The following CDC42BPA variants were observed in gnomAD, a reference collection of about 807,000 sequenced individuals.
The protein encoded by CDC42BPA is CDC42 binding protein kinase alpha.
Under a neutral mutation model 223.5 loss-of-function variants are expected in CDC42BPA, and 80 were observed. The observed-to-expected ratio is 0.36, with a 90% CI of 0.30 to 0.43. CDC42BPA has a LOEUF of 0.43. CDC42BPA is among the 20% of genes least tolerant of loss of function. CDC42BPA has a pLI of 1.00. For synonymous variants in CDC42BPA, 694 were observed against 718.6 expected (o/e 0.97, Z 0.55); for missense variants, 1,743 against 2,099.9 (o/e 0.83, Z 3.32).
rs1200089266 is a variant in CDC42BPA at position 227,069,856 on chromosome 1, A to G, written c.2828-3T>C. On this transcript the variant is annotated splice_polypyrimidine_tract_variant and splice_region_variant and intron_variant, in intron 20 of 36. Coordinates refer to ENST00000366766, the MANE Select transcript of CDC42BPA (RefSeq NM_001394014.1). ...CTGTGAGTCTTGGTGCTCTATACCT[A>G]GAAGACAGCAGCAACTTTTTTTAAG... 2.5e-6 allele frequency: 4 copies of G among 1,605,846 alleles called. No homozygotes were observed. Among genetic ancestry groups the G allele is most frequent in the Non-Finnish European group, 3.4e-6 (4 of 1,173,770 alleles).
At chr1:227,287,826 T>C (rs1488644698) in intron 1 of CDC42BPA, among the ~76,000 whole-genome samples, 1 of 152,238 alleles carries the variant, frequency 6.6e-6, no homozygotes, top group Non-Finnish European at 1.5e-5. Context: ...TATCATTTAT[T>C]TGTGTTGGTA....
At chr1:227,034,424 A>G (rs11803959) in intron 26 of CDC42BPA, among the ~76,000 whole-genome samples, 23,483 of 152,118 alleles carry the variant, frequency 0.15, 2,202 homozygotes, top group African/African-American at 0.25. Context: ...TTGGGACACC[A>G]ACTTCTTTTT....
At chr1:227,202,122 A>G (rs531745215) in intron 3 of CDC42BPA, among the ~76,000 whole-genome samples, 43 of 152,220 alleles carry the variant, frequency 2.8e-4, no homozygotes, top group Non-Finnish European at 5.7e-4. Context: ...AGCTGGGACT[A>G]CAGGTGAGTG....
At chr1:227,304,341 G>C (rs1439771520) in intron 1 of CDC42BPA, among the ~76,000 whole-genome samples, 1 of 151,996 alleles carries the variant, frequency 6.6e-6, no homozygotes, top group African/African-American at 2.4e-5. Context: ...AGGAGGTAGA[G>C]GTTGCAGTGA....
At chr1:227,218,117 A>G (rs1440063446) in intron 2 of CDC42BPA, among the ~76,000 whole-genome samples, 1 of 152,208 alleles carries the variant, frequency 6.6e-6, no homozygotes. Flanking sequence ...GGGTGTATAT[A>G]CATGCAAAGT....
intron 1 of CDC42BPA, among the ~76,000 whole-genome samples, chr1:227,278,689 G>T (rs1018440436): frequency 6.6e-6 from 1 of 152,110 alleles, no homozygotes; most frequent in Non-Finnish European, 1.5e-5. Flanking sequence ...TAGGTCATGA[G>T]TTCTTAAAAA....
At chr1:227,129,710 T>TATATATATATATATATATATATAC (rs1656654490) in intron 10 of CDC42BPA, among the ~76,000 whole-genome samples, 2 of 121,816 alleles carry the variant, frequency 1.6e-5, no homozygotes, top group Non-Finnish European at 3.4e-5. Context: ...TGCATATATA[T>TATATATATATATATATATATATAC]ATATACAAAA....
At chr1:227,135,994 T>C (rs1006253402) in intron 10 of CDC42BPA, among the ~76,000 whole-genome samples, 2 of 152,070 alleles carry the variant, frequency 1.3e-5, no homozygotes, top group African/African-American at 2.4e-5. Flanking sequence ...CTTCTCTGTG[T>C]TATTTTTATT....
At chr1:227,074,927 C>T (rs1039980434) in intron 17 of CDC42BPA, among the ~76,000 whole-genome samples, 1 of 152,142 alleles carries the variant, frequency 6.6e-6, no homozygotes, top group Non-Finnish European at 1.5e-5. Context: ...TGTCTTAAGG[C>T]TATCTAGCTA....
At position 227,031,387 on chromosome 1, in the gene CDC42BPA, T is replaced by C. The variant is rs1287478044; in HGVS notation, c.3686A>G (p.Lys1229Arg). The C allele has an allele frequency of 6.2e-7, 1 of 1,614,142 alleles. No individual in the cohort carries two copies. The highest frequency in any genetic ancestry group is 1.3e-5 in the African/African-American group (1 of 75,028). ...AACATAGACTGAGCGGTCTCTGAAT[T>C]TGTTTTTCTTCAAAATCTTGTGCAA... ...SELHKILKKNKFRDRSVYVPK... is the reference protein window; with the variant it reads ...SELHKILKKNRFRDRSVYVPK... Residue 1229 changes from lysine (K) to arginine (R), a missense_variant, in exon 28 of 37, where the codon AAA (lysine) becomes AGA (arginine). Transcript: ENST00000366766.
At chr1:227,084,781 G>T (rs1391888873) in intron 16 of CDC42BPA, among the ~76,000 whole-genome samples, 1 of 152,080 alleles carries the variant, frequency 6.6e-6, no homozygotes, top group African/African-American at 2.4e-5. Flanking sequence ...CAACTTGACT[G>T]GTCCACAAGG....
intron 31 of CDC42BPA, among the ~76,000 whole-genome samples, chr1:227,025,032 A>G (rs1478452828): frequency 6.6e-6 from 1 of 152,120 alleles, no homozygotes; most frequent in East Asian, 1.9e-4. Context: ...CACTTGAGGT[A>G]AGAAGTTCGA....
At chr1:227,179,659 A>AAAAAAAAAAAG (rs1216438998) in intron 5 of CDC42BPA, among the ~76,000 whole-genome samples, 2 of 146,982 alleles carry the variant, frequency 1.4e-5, no homozygotes, top group African/African-American at 5.2e-5. Context: ...AAAAAAAAAA[A>AAAAAAAAAAAG]AGCTATTTTA....
intron 4 of CDC42BPA, among the ~76,000 whole-genome samples, chr1:227,196,575 A>G (rs557896629): frequency 5.9e-5 from 9 of 151,812 alleles, no homozygotes; most frequent in South Asian, 2.1e-4. Flanking sequence ...TCCTGACCTC[A>G]TGATCCGCCC....
chr1:227,048,207 C>T (rs541276295), intron 22 of CDC42BPA, among the ~76,000 whole-genome samples, 197 bp from the exon 23 acceptor site: 4 of 151,964 alleles, frequency 2.6e-5, no homozygotes, highest in African/African-American at 7.2e-5. Context: ...GCAATATCTA[C>T]GAATGAAATA....
intron 5 of CDC42BPA, among the ~76,000 whole-genome samples, chr1:227,161,054 T>C (rs1572054827): frequency 1.3e-5 from 2 of 152,202 alleles, no homozygotes; most frequent in South Asian, 2.1e-4. Context: ...TAACTGCAGA[T>C]AGATAAAGTC....
chr1:227,187,479 G>T (rs1668965700), intron 5 of CDC42BPA, among the ~76,000 whole-genome samples: 1 of 100,746 alleles, frequency 9.9e-6, no homozygotes, highest in Non-Finnish European at 2.1e-5. Flanking sequence ...GCAAAGAGAA[G>T]ACTGGAAAAA....
intron 16 of CDC42BPA, among the ~76,000 whole-genome samples, chr1:227,086,441 C>T (rs1312741872): frequency 2.6e-5 from 4 of 152,096 alleles, no homozygotes; most frequent in Non-Finnish European, 5.9e-5. Context: ...CTCCTATGAG[C>T]AGTGTGTAAG....
intron 2 of CDC42BPA, among the ~76,000 whole-genome samples, chr1:227,230,159 A>G (rs1677571338): frequency 6.6e-6 from 1 of 152,234 alleles, no homozygotes; most frequent in South Asian, 2.1e-4. Context: ...CTGCCTAGGT[A>G]ATGGCAACTG....
Sources: allele counts gnomAD v4.1 joint callset (sites outside exome capture counted in the v4.1 genomes callset), GRCh38; gene constraint gnomAD v4.1.1; transcripts MANE v1.5; gene names NCBI Gene and HGNC (gene_info 2026-07-23, HGNC 2026-07-21).